The following KCNG3 variants were observed in gnomAD, a reference collection of about 807,000 sequenced individuals.
KCNG3 encodes the protein voltage-gated potassium channel regulatory subunit KCNG3.
KCNG3 carries 15 observed loss-of-function variants against 29.0 expected under a neutral mutation model. The ratio of observed to expected loss-of-function variants is 0.52; its 90% confidence interval spans 0.35 to 0.80. The LOEUF is 0.80. Ranked by LOEUF, KCNG3 falls within the 30% of genes least tolerant of loss-of-function variation. The pLI is 0.01. For synonymous variants in KCNG3, 322 were observed against 248.9 expected (o/e 1.29, Z -2.76); for missense variants, 512 against 605.7 (o/e 0.85, Z 1.62).
At chr2:42,477,993 C>T (rs896227382) in intron 1 of KCNG3, among the ~76,000 whole-genome samples, 11 of 151,900 alleles carry the variant, frequency 7.2e-5, no homozygotes, top group African/African-American at 2.7e-4. Flanking sequence ...GAGTGTTTTT[C>T]GTTTGTAAAG....
At chr2:42,463,928 A>G (rs1439913155) in intron 1 of KCNG3, 6 of 340,654 alleles carry the variant, frequency 1.8e-5, no homozygotes, top group Middle Eastern at 1.0e-3. Flanking sequence ...ATTAAGCCTA[A>G]TCCACAGCCC....
the KCNG3 span, among the ~76,000 whole-genome samples, chr2:42,392,922 G>T: frequency 6.6e-6 from 1 of 152,052 alleles, no homozygotes; most frequent in African/African-American, 2.4e-5. Context: ...ACTGTCTATG[G>T]GAGTATTGGG....
At position 42,483,120 on chromosome 2, in the gene KCNG3, C is replaced by CA. The variant is rs969420190; in HGVS notation, c.665+9716dup. Among the ~76,000 whole-genome samples, 6 of 151,610 alleles carry CA rather than the reference C, an allele frequency of 4.0e-5. No individual in the cohort carries two copies. In the East Asian group the frequency reaches 5.8e-4, roughly 15 times the overall value. ...TGGGTGACAGATCAAGACCCTGTCT[C>CA]AAAAAAATAAAAATAAAAAAACAGC... On this transcript the variant is annotated intron_variant, in intron 1 of 1. Transcript: ENST00000306078.
At chr2:42,474,924 G>T (rs566477905) in intron 1 of KCNG3, among the ~76,000 whole-genome samples, 1 of 152,170 alleles carries the variant, frequency 6.6e-6, no homozygotes, top group Non-Finnish European at 1.5e-5. Flanking sequence ...CTGACCCAAT[G>T]TACACGACTT....
the KCNG3 span, among the ~76,000 whole-genome samples, chr2:42,420,227 G>C: frequency 5.3e-5 from 8 of 151,904 alleles, no homozygotes; most frequent in African/African-American, 1.9e-4. Flanking sequence ...GCGAAACTCC[G>C]TCTCAAAAAA....
Position 42,492,912 on chromosome 2 carries a change from C to A in KCNG3, c.590G>T (p.Arg197Leu), listed in dbSNP as rs1212105555. The A allele has an allele frequency of 6.3e-7, 1 of 1,580,382 alleles. No individual in the cohort carries two copies. The highest frequency in any genetic ancestry group is 1.8e-5 in the Admixed American group (1 of 54,444). The change falls in exon 1 of 2, where the codon CGC becomes CTC. Residue 197 changes from arginine (R) to leucine (L), a missense_variant. By Grantham distance (102) the Arg-to-Leu change is moderately radical. Around this residue, in one of 5 missense-constraint regions of KCNG3, gnomAD observed 228 missense variants for 200.0 expected, o/e 1.14. Coordinates refer to ENST00000306078, the MANE Select transcript of KCNG3 (RefSeq NM_133329.6). The part of the protein sequence containing the change: ...VLCASTLPDW[R>L]NAAADNRSLD... ...GCTGCGGTTGTCGGCGGCTGCGTTG[C>A]GCCAGTCGGGCAACGTGCTGGCGCA...
Position 42,487,156 on chromosome 2 carries a change from CAAAAAAAAAA to C in KCNG3, c.665+5671_665+5680del, listed in dbSNP as rs1194994891. Among the ~76,000 whole-genome samples, 455 of 68,030 alleles carry C rather than the reference CAAAAAAAAAA, an allele frequency of 6.7e-3. 5 individuals carry two copies. Among genetic ancestry groups the C allele is most frequent in the Non-Finnish European group, 7.7e-3 (274 of 35,692 alleles). The allele number at this position is 68,030 out of a possible 152,430, so 44.6% of individuals were successfully genotyped here. ...TGGGTGACAGAGCAAGACTCTGTCT[CAAAAAAAAAA>C]AAAAAAAAGAATTCACAATTTTTTT... is the stretch of plus-strand genomic sequence containing the variant. On this transcript the variant is annotated intron_variant, in intron 1 of 1. Coordinates refer to ENST00000306078, the MANE Select transcript of KCNG3 (RefSeq NM_133329.6).
At chr2:42,452,326 G>C (rs1277210167) in intron 1 of KCNG3, among the ~76,000 whole-genome samples, 1 of 148,562 alleles carries the variant, frequency 6.7e-6, no homozygotes, top group African/African-American at 2.5e-5. Flanking sequence ...GCTCACTGCA[G>C]CCTCAAATTC....
chr2:42,406,826 CAAAA>C, the KCNG3 span, among the ~76,000 whole-genome samples: 9 of 113,676 alleles, frequency 7.9e-5, no homozygotes, highest in East Asian at 2.6e-4. Context: ...GACTCCTTCT[CAAAA>C]AAAAAAAAAA....
chr2:42,406,253 C>T, the KCNG3 span, among the ~76,000 whole-genome samples: 1 of 151,332 alleles, frequency 6.6e-6, no homozygotes, highest in African/African-American at 2.4e-5. Flanking sequence ...GAGTTTCACT[C>T]TTGTTGCCCA....
intron 1 of KCNG3, among the ~76,000 whole-genome samples, chr2:42,448,081 G>A (rs1254179694): frequency 1.3e-5 from 2 of 152,178 alleles, no homozygotes; most frequent in South Asian, 2.1e-4. Context: ...TCTGAGAGAT[G>A]AAAAGTGCTA....
the KCNG3 span, among the ~76,000 whole-genome samples, chr2:42,389,548 T>G: frequency 6.6e-6 from 1 of 152,220 alleles, no homozygotes; most frequent in Non-Finnish European, 1.5e-5. Context: ...TGACTTCACT[T>G]TTTCAAGAAT....
At chr2:42,430,703 G>A in the KCNG3 span, among the ~76,000 whole-genome samples, 3 of 152,128 alleles carry the variant, frequency 2.0e-5, no homozygotes, top group Non-Finnish European at 4.4e-5. Flanking sequence ...GCTACAATGA[G>A]ACATCATGCT....
At chr2:42,403,983 T>C in the KCNG3 span, among the ~76,000 whole-genome samples, 1 of 152,214 alleles carries the variant, frequency 6.6e-6, no homozygotes, top group Non-Finnish European at 1.5e-5. Flanking sequence ...AGTTATACTA[T>C]CTTCACAAAA....
At chr2:42,450,754 C>T (rs1380099754) in intron 1 of KCNG3, among the ~76,000 whole-genome samples, 1 of 152,164 alleles carries the variant, frequency 6.6e-6, no homozygotes, top group Admixed American at 6.6e-5. Context: ...CTCCGCTTTA[C>T]AGATGACAAA....
chr2:42,430,890 G>A, the KCNG3 span, among the ~76,000 whole-genome samples: 9 of 151,940 alleles, frequency 5.9e-5, no homozygotes, highest in Admixed American at 2.0e-4. Flanking sequence ...TGGGCAGATC[G>A]CTTGAGGCCA....
At chr2:42,423,779 C>A in the KCNG3 span, among the ~76,000 whole-genome samples, 1 of 148,644 alleles carries the variant, frequency 6.7e-6, no homozygotes, top group African/African-American at 2.5e-5. Flanking sequence ...GCTAGAGCCT[C>A]GCACAGTCGG....
chr2:42,436,898 A>G, the KCNG3 span, among the ~76,000 whole-genome samples: 1 of 152,210 alleles, frequency 6.6e-6, no homozygotes, highest in Non-Finnish European at 1.5e-5. Flanking sequence ...TCTCAAAAGA[A>G]CTTGTTCTTT....
At chr2:42,430,487 T>C in the KCNG3 span, among the ~76,000 whole-genome samples, 2 of 151,874 alleles carry the variant, frequency 1.3e-5, no homozygotes, top group African/African-American at 2.4e-5. Flanking sequence ...AGGTGGCTCA[T>C]GCCCGTAATC....
Sources: allele counts gnomAD v4.1 joint callset (sites outside exome capture counted in the v4.1 genomes callset), GRCh38; gene constraint gnomAD v4.1.1; regional missense constraint gnomAD v4.1.1; transcripts MANE v1.5; gene names NCBI Gene and HGNC (gene_info 2026-07-23, HGNC 2026-07-21).